Variants in DLGAP5 observed in about 807,000 individuals in gnomAD.
The protein encoded by DLGAP5 is disks large-associated protein 5.
In DLGAP5, 90 loss-of-function variants were observed where a neutral mutation model predicts 99.6. That is an observed-to-expected ratio of 0.90 (90% CI 0.76 to 1.08). The LOEUF (loss-of-function observed/expected upper bound fraction) is 1.08, where lower values mean the gene tolerates loss of function less well. Ranked by LOEUF, DLGAP5 falls within the 50% of genes least tolerant of loss-of-function variation. The pLI, the probability that DLGAP5 is intolerant of heterozygous loss-of-function variation, is 0.00. For missense variants in DLGAP5, 1,036 were observed against 983.5 expected, an observed-to-expected ratio of 1.05 and a Z score of -0.71; for synonymous variants, 311 against 321.3, an observed-to-expected ratio of 0.97 and a Z score of 0.34.
Position 55,170,776 on chromosome 14 carries a change from T to C in DLGAP5, c.1313A>G (p.Gln438Arg). ...HGVPYFRNIL[Q>R]SETEKLTSHC... ...TGAAGTTAATTTCTCAGTTTCTGAC[T>C]GGAGGATATTTCTAAAATTATGACA... is the stretch of plus-strand genomic sequence containing the variant. The change falls in exon 11 of 19, where the codon CAG becomes CGG. Residue 438 changes from glutamine to arginine, a missense_variant. Physicochemically the swap from Gln to Arg is conservative, Grantham distance 43. Coordinates refer to ENST00000247191, the MANE Select transcript of DLGAP5 (RefSeq NM_014750.5). The C allele has an allele frequency of 6.2e-7, 1 of 1,613,408 alleles. No individual in the cohort carries two copies. Among genetic ancestry groups the C allele is most frequent in the Non-Finnish European group, 8.5e-7 (1 of 1,179,488 alleles).
intron 12 of DLGAP5, among the ~76,000 whole-genome samples, chr14:55,167,599 T>A (rs973375691): frequency 1.3e-5 from 2 of 152,158 alleles, no homozygotes; most frequent in South Asian, 2.1e-4. Flanking sequence ...CACTCTCCTC[T>A]TTTCTTGGGT....
Position 55,158,572 on chromosome 14 carries a change from A to G in DLGAP5, c.1823T>C (p.Val608Ala), listed in dbSNP as rs756425328. The G allele has an allele frequency of 1.2e-6, 2 of 1,614,092 alleles. No individual in the cohort carries two copies. Among genetic ancestry groups the G allele is most frequent in the East Asian group, 4.5e-5 (2 of 44,864 alleles). The change falls in exon 14 of 19, where the codon GTG (valine) becomes GCG (alanine). Residue 608 changes from valine to alanine, a missense_variant. Coordinates refer to ENST00000247191, the MANE Select transcript of DLGAP5 (RefSeq NM_014750.5). Reference protein sequence around the residue: ...SVIPKEVDKIVFDAGFFRVES... With the variant: ...SVIPKEVDKIAFDAGFFRVES... ...AACTCTGAAAAATCCAGCATCGAAC[A>G]CTATTTTATCAACTTCCTTTGGTAT...
chr14:55,161,553 G>C (rs1180435234), intron 13 of DLGAP5, among the ~76,000 whole-genome samples: 1 of 150,402 alleles, frequency 6.6e-6, no homozygotes, highest in African/African-American at 2.4e-5. Flanking sequence ...GGGATTACAG[G>C]CATGCGCCAC....
At chr14:55,190,617 C>A (rs539553300) in intron 1 of DLGAP5, among the ~76,000 whole-genome samples, 1 of 152,252 alleles carries the variant, frequency 6.6e-6, no homozygotes, top group South Asian at 2.1e-4. Context: ...CAAGAATTAA[C>A]TAAATCCACT....
intron 14 of DLGAP5, among the ~76,000 whole-genome samples, chr14:55,156,594 T>A (rs1882223867): frequency 6.6e-6 from 1 of 152,082 alleles, no homozygotes; most frequent in African/African-American, 2.4e-5. Flanking sequence ...AAAGTAAAGG[T>A]CCTACCCATG....
chr14:55,173,409 G>A (rs1224776630), intron 10 of DLGAP5, among the ~76,000 whole-genome samples: 1 of 151,970 alleles, frequency 6.6e-6, no homozygotes, highest in East Asian at 1.9e-4. Flanking sequence ...CTGGGCAACA[G>A]AGTGCAACCA....
At chr14:55,155,613 A>G (rs1314393418) in intron 14 of DLGAP5, among the ~76,000 whole-genome samples, 2 of 150,560 alleles carry the variant, frequency 1.3e-5, no homozygotes, top group East Asian at 2.0e-4. Flanking sequence ...CTCCCAAAGT[A>G]CTGGGATTAC....
chr14:55,185,400 C>T (rs1211712769), intron 2 of DLGAP5, among the ~76,000 whole-genome samples: 2 of 152,082 alleles, frequency 1.3e-5, no homozygotes, highest in Admixed American at 6.6e-5. Context: ...GGAGTTTCAC[C>T]ATTTTGGCCA....
Position 55,169,571 on chromosome 14 carries a change from A to G in DLGAP5, c.1388-12T>C. 6.3e-7 allele frequency: 1 copy of G among 1,575,880 alleles called. No homozygotes were observed. Among genetic ancestry groups the G allele is most frequent in the East Asian group, 2.2e-5 (1 of 44,476 alleles). ...AATAAGATCTTTAGCTGAAGGAAAT[A>G]AGAGATTTTTTAAAATTAAAGGACA... is the stretch of plus-strand genomic sequence containing the variant. On this transcript the variant is annotated splice_polypyrimidine_tract_variant and intron_variant, in intron 11 of 18. Transcript: ENST00000247191.
chr14:55,160,259 G>T (rs990284071), intron 13 of DLGAP5, among the ~76,000 whole-genome samples: 2 of 151,454 alleles, frequency 1.3e-5, no homozygotes, highest in Non-Finnish European at 1.5e-5. Flanking sequence ...GCTGGGCGTG[G>T]TGGCACACGC....
At chr14:55,176,658 A>C (rs969014358) in intron 8 of DLGAP5, among the ~76,000 whole-genome samples, 3 of 152,154 alleles carry the variant, frequency 2.0e-5, no homozygotes, top group African/African-American at 7.2e-5. Flanking sequence ...ACTAATAATA[A>C]CTTTTTAAGA....
At position 55,159,893 on chromosome 14, in the gene DLGAP5, G is replaced by A. The variant is rs528417271; in HGVS notation, c.1654-1152C>T. On this transcript the variant is annotated intron_variant, in intron 13 of 18. Coordinates refer to ENST00000247191, the MANE Select transcript of DLGAP5 (RefSeq NM_014750.5). ...GACTGAAGAATAGGCAAAGAAGAAG[G>A]AAATATAATTTCAAAAACAAGGAAG... is the stretch of plus-strand genomic sequence containing the variant. Among the ~76,000 whole-genome samples, 231 of 152,240 alleles carry A rather than the reference G, an allele frequency of 1.5e-3. 1 individual carries two copies. The highest frequency in any genetic ancestry group is 5.4e-3 in the African/African-American group (223 of 41,532).
intron 12 of DLGAP5, among the ~76,000 whole-genome samples, chr14:55,164,240 G>A (rs965482332): frequency 4.6e-5 from 7 of 152,050 alleles, no homozygotes; most frequent in Admixed American, 1.3e-4. Flanking sequence ...GTAGGCTGAG[G>A]CAGGGGGATT....
intron 8 of DLGAP5, 113 bp from the exon 9 acceptor site, chr14:55,176,131 T>A: frequency 1.0e-6 from 1 of 986,752 alleles, no homozygotes; most frequent in Non-Finnish European, 1.4e-6. Flanking sequence ...AATGTTTCTA[T>A]TTTTTTAAAA....
intron 3 of DLGAP5, 100 bp from the exon 4 acceptor site, chr14:55,182,532 T>C (rs1364710598): frequency 1.1e-6 from 1 of 938,626 alleles, no homozygotes; most frequent in South Asian, 2.0e-5. Context: ...AAGTTAAATT[T>C]TATCCTTAAT....
Position 55,148,308 on chromosome 14 carries a change from G to C in DLGAP5, c.*43C>G, listed in dbSNP as rs1046088444. On this transcript the variant is annotated 3_prime_UTR_variant, in exon 19 of 19. Transcript: ENST00000247191. ...TTTCAATAGTCTAAGGAATATATAA[G>C]CATTGATAATATGAAGGAAAATGTT... The C allele has an allele frequency of 6.3e-7, 1 of 1,591,726 alleles. No homozygotes were observed. The highest frequency in any genetic ancestry group is 1.3e-5 in the African/African-American group (1 of 74,262).
At chr14:55,153,401 C>T (rs574038685) in intron 15 of DLGAP5, among the ~76,000 whole-genome samples, 27 of 151,894 alleles carry the variant, frequency 1.8e-4, no homozygotes, top group African/African-American at 4.1e-4. Flanking sequence ...ATTAGCTGGG[C>T]GTGGTGACAT....
chr14:55,177,783 C>T (rs1398526883), intron 7 of DLGAP5, among the ~76,000 whole-genome samples: 1 of 151,560 alleles, frequency 6.6e-6, no homozygotes, highest in East Asian at 2.0e-4. Context: ...GTCATCCGCC[C>T]GCCTAGGCCT....
chr14:55,157,396 T>G (rs1019773786), intron 14 of DLGAP5, among the ~76,000 whole-genome samples: 1 of 152,156 alleles, frequency 6.6e-6, no homozygotes, highest in Non-Finnish European at 1.5e-5. Flanking sequence ...GAAACAAAAG[T>G]ACACCAGATT....
Sources: allele counts gnomAD v4.1 joint callset (sites outside exome capture counted in the v4.1 genomes callset), GRCh38; gene constraint gnomAD v4.1.1; transcripts MANE v1.5; gene names NCBI Gene and HGNC (gene_info 2026-07-23, HGNC 2026-07-21).